Variants in CDK14 observed in about 807,000 individuals in gnomAD.
The protein encoded by CDK14 is cyclin-dependent kinase 14.
CDK14 carries 34 observed loss-of-function variants against 60.7 expected under a neutral mutation model. The ratio of observed to expected loss-of-function variants is 0.56; its 90% CI spans 0.43 to 0.75. The LOEUF is 0.75. Ranked by LOEUF, CDK14 falls within the 30% of genes least tolerant of loss-of-function variation. The pLI, the probability that CDK14 is intolerant of heterozygous loss-of-function variation, is 0.00. For missense variants in CDK14, 482 were observed against 564.1 expected (o/e 0.85, Z 1.47); for synonymous variants, 197 against 203.7 (o/e 0.97, Z 0.28).
chr7:90,891,012 T>C (rs1792105356), intron 6 of CDK14, among the ~76,000 whole-genome samples: 1 of 152,148 alleles, frequency 6.6e-6, no homozygotes, highest in Non-Finnish European at 1.5e-5. Flanking sequence ...GTAATGAAGA[T>C]GACATTGGCC....
At chr7:90,794,428 C>G (rs538613991) in intron 5 of CDK14, among the ~76,000 whole-genome samples, 1 of 152,138 alleles carries the variant, frequency 6.6e-6, no homozygotes, top group African/African-American at 2.4e-5. Context: ...CTTATTTCAT[C>G]CCTTGTCTAC....
chr7:91,146,431 C>T (rs1348366378), intron 14 of CDK14, among the ~76,000 whole-genome samples: 1 of 138,310 alleles, frequency 7.2e-6, no homozygotes, highest in African/African-American at 2.5e-5. Context: ...GAACTCATGA[C>T]CTCAGGTGAT....
At chr7:90,802,034 G>A (rs1163797761) in intron 5 of CDK14, among the ~76,000 whole-genome samples, 1 of 152,194 alleles carries the variant, frequency 6.6e-6, no homozygotes, top group Admixed American at 6.5e-5. Context: ...GGGAAGAGGG[G>A]CTCCTGGGAC....
At chr7:90,723,216 T>A (rs1802517050) in intron 2 of CDK14, among the ~76,000 whole-genome samples, 1 of 152,200 alleles carries the variant, frequency 6.6e-6, no homozygotes, top group Non-Finnish European at 1.5e-5. Context: ...ATATGATTTT[T>A]AAAAAACTGT....
intron 5 of CDK14, among the ~76,000 whole-genome samples, chr7:90,844,849 C>T (rs565539753): frequency 8.3e-4 from 126 of 152,074 alleles, no homozygotes; most frequent in African/African-American, 2.7e-3. Flanking sequence ...ACAGTAAGTC[C>T]GGAGGAAAGG....
intron 4 of CDK14, among the ~76,000 whole-genome samples, chr7:90,771,009 T>C (rs1804764495): frequency 1.3e-5 from 2 of 152,208 alleles, no homozygotes; most frequent in African/African-American, 2.4e-5. Flanking sequence ...CTGATCACCC[T>C]GCCTGCCTCA....
chr7:90,695,228 A>G (rs1354873418), intron 2 of CDK14, among the ~76,000 whole-genome samples: 2 of 152,108 alleles, frequency 1.3e-5, no homozygotes, highest in Admixed American at 1.3e-4. Flanking sequence ...ATATGTTGTA[A>G]TATTTTCTAC....
intron 12 of CDK14, among the ~76,000 whole-genome samples, chr7:91,108,337 A>G (rs540721238): frequency 2.0e-5 from 3 of 152,316 alleles, no homozygotes; most frequent in Non-Finnish European, 4.4e-5. Flanking sequence ...TTGTTGTTCA[A>G]CACTTAAAGC....
intron 7 of CDK14, among the ~76,000 whole-genome samples, chr7:90,905,500 A>G (rs1792667535): frequency 2.0e-5 from 3 of 152,180 alleles, no homozygotes; most frequent in Admixed American, 6.6e-5. Flanking sequence ...TAATTTAAAC[A>G]TTGAATGTTG....
Position 91,131,451 on chromosome 7 carries a change from G to T in CDK14, c.*28+13243G>T, listed in dbSNP as rs781018730. Among the ~76,000 whole-genome samples the T allele has an allele frequency of 3.1e-4, 47 of 152,266 alleles. 2 individuals are homozygous for T. The Middle Eastern group carries it at 0.014, about 44-fold the overall frequency. On this transcript the variant is annotated intron_variant, in intron 14 of 14. Coordinates refer to ENST00000380050, the MANE Select transcript of CDK14 (RefSeq NM_001287135.2). ...AGGATGTAAAGTCAGAGAAGCTGGA[G>T]ATCTGGGACAGGTTCTCAGTCAAAT...
At chr7:90,921,131 G>C (rs1053441546) in intron 8 of CDK14, among the ~76,000 whole-genome samples, 1 of 152,034 alleles carries the variant, frequency 6.6e-6, no homozygotes, top group African/African-American at 2.4e-5. Context: ...CTAAAAGATG[G>C]TTCATCTTTA....
At chr7:90,759,293 A>G (rs3802017) in intron 4 of CDK14, among the ~76,000 whole-genome samples, 69,933 of 151,920 alleles carry the variant, frequency 0.46, 16,877 homozygotes, top group East Asian at 0.82. Context: ...CTTCCCCCCA[A>G]GCAAATATAA....
intron 8 of CDK14, among the ~76,000 whole-genome samples, chr7:90,948,952 A>G (rs1053535295): frequency 2.8e-4 from 42 of 152,238 alleles, no homozygotes; most frequent in Non-Finnish European, 5.9e-5. Context: ...TAGCCAAAGA[A>G]TTCTAACTAG....
At chr7:91,064,132 A>G (rs1471720196) in intron 11 of CDK14, among the ~76,000 whole-genome samples, 1 of 152,176 alleles carries the variant, frequency 6.6e-6, no homozygotes, top group East Asian at 1.9e-4. Flanking sequence ...AAGGTAAGGC[A>G]CTCTGACGCA....
chr7:90,661,423 G>A (rs1348746050), intron 2 of CDK14, among the ~76,000 whole-genome samples: 2 of 152,130 alleles, frequency 1.3e-5, no homozygotes, highest in East Asian at 1.9e-4. Context: ...TCCTTGTGCC[G>A]AATTGTTTGT....
intron 10 of CDK14, among the ~76,000 whole-genome samples, chr7:90,991,654 C>T (rs1187558833): frequency 1.3e-5 from 2 of 152,064 alleles, no homozygotes; most frequent in African/African-American, 4.8e-5. Flanking sequence ...TTGTATGTGC[C>T]CAGTAAATGC....
chr7:91,050,839 A>G (rs1406073266), intron 11 of CDK14, among the ~76,000 whole-genome samples: 1 of 152,160 alleles, frequency 6.6e-6, no homozygotes, highest in Non-Finnish European at 1.5e-5. Context: ...ACATGGTAAA[A>G]GAGGGAGCGA....
chr7:90,951,475 A>C (rs1246216121), intron 8 of CDK14, among the ~76,000 whole-genome samples: 6 of 152,208 alleles, frequency 3.9e-5, no homozygotes. Flanking sequence ...CTTAGTTAGA[A>C]AGGAGTAAGT....
intron 11 of CDK14, among the ~76,000 whole-genome samples, chr7:91,079,138 G>A (rs1798409697): frequency 1.3e-5 from 2 of 152,124 alleles, no homozygotes; most frequent in Non-Finnish European, 1.5e-5. Context: ...TTTGGAATTT[G>A]CATTTCTTTT....
Sources: gnomAD v4.1 joint callset for allele counts (sites outside exome capture counted in the v4.1 genomes callset) on GRCh38, gnomAD v4.1.1 for gene constraint, MANE v1.5 for transcripts, NCBI Gene and HGNC (gene_info 2026-07-23, HGNC 2026-07-21) for gene names.